The following PLA2G4E variants were observed in gnomAD, a reference collection of about 807,000 sequenced individuals.
The protein encoded by PLA2G4E is cytosolic phospholipase A2 epsilon.
Under a neutral mutation model 109.1 loss-of-function variants are expected in PLA2G4E, and 84 were observed. That is an observed-to-expected ratio of 0.77 (90% CI 0.65 to 0.92). The LOEUF is 0.92. Ranked by LOEUF, PLA2G4E falls within the 40% of genes least tolerant of loss-of-function variation. PLA2G4E has a pLI of 0.00. For missense variants in PLA2G4E, 1,057 were observed against 1,076.6 expected, an observed-to-expected ratio of 0.98 and a Z score of 0.25; for synonymous variants, 469 against 436.1, an observed-to-expected ratio of 1.08 and a Z score of -0.94.
intron 1 of PLA2G4E, among the ~76,000 whole-genome samples, chr15:42,017,569 ATCAGAGACAT>A (rs2068608433): frequency 6.6e-6 from 1 of 152,258 alleles, no homozygotes; most frequent in South Asian, 2.1e-4. Flanking sequence ...CACAGCTAGA[ATCAGAGACAT>A]CCAATGCTAC....
chr15:41,999,428 C>A, intron 10 of PLA2G4E, 96 bp downstream of exon 10: 1 of 876,280 alleles, frequency 1.1e-6, no homozygotes, highest in Non-Finnish European at 1.9e-6. Context: ...CATCATTAGC[C>A]ATAGGGGAAA....
rs750013134 is a variant in PLA2G4E, at chr15:42,035,427, G to A, written c.183+15094C>T. On this transcript the variant is annotated intron_variant, in intron 1 of 19. Transcript: ENST00000399518. ...ATGAAAAGCGTTGGTTATTGTCCAT[G>A]CCTAGGGGCTAGAGAGTGGGGACTC... Among the ~76,000 whole-genome samples, 5 of 152,244 alleles carry A rather than the reference G, an allele frequency of 3.3e-5. No homozygotes were observed. The East Asian group carries it at 5.8e-4, about 18-fold the overall frequency.
chr15:41,997,182 A>G, exon 11 of PLA2G4E: 2 of 1,560,856 alleles, frequency 1.3e-6, no homozygotes, highest in Non-Finnish European at 1.7e-6. Context: ...CTTGGCCACC[A>G]CGACCTTCCG....
chr15:42,046,239 T>C (rs986513255), intron 1 of PLA2G4E, among the ~76,000 whole-genome samples: 3 of 152,118 alleles, frequency 2.0e-5, no homozygotes, highest in Non-Finnish European at 2.9e-5. Context: ...AGGTAAAACA[T>C]AAAACAGATC....
chr15:42,022,709 C>G (rs972547127), intron 1 of PLA2G4E, among the ~76,000 whole-genome samples: 1 of 152,108 alleles, frequency 6.6e-6, no homozygotes, highest in African/African-American at 2.4e-5. Flanking sequence ...GGGAGTGGCT[C>G]TAAATACAGA....
At chr15:41,990,047 G>A (rs1379395534) in intron 14 of PLA2G4E, 74 bp downstream of exon 14, 2 of 1,117,612 alleles carry the variant, frequency 1.8e-6, no homozygotes, top group Non-Finnish European at 2.7e-6. Context: ...GGGACCTGGA[G>A]GTGCTGGGTG....
At chr15:41,983,564 C>T (rs2068091440) in exon 20 of PLA2G4E, 1 of 601,808 alleles carries the variant, frequency 1.7e-6, no homozygotes. Context: ...CCCAACAGAG[C>T]TCCTCTCTCT....
intron 5 of PLA2G4E, 96 bp downstream of exon 5, chr15:42,004,842 G>C (rs1302139125): frequency 1.5e-6 from 2 of 1,317,698 alleles, no homozygotes; most frequent in African/African-American, 2.9e-5. Flanking sequence ...AAGAGGGTGA[G>C]GCAGCAAAAA....
At chr15:42,004,976 G>A (rs973804386) in exon 5 of PLA2G4E, 1 of 1,613,036 alleles carries the variant, frequency 6.2e-7, no homozygotes, top group Non-Finnish European at 8.5e-7. Flanking sequence ...GCTCTTCCAT[G>A]CCCTGGTAGG....
intron 14 of PLA2G4E, 55 bp downstream of exon 14, chr15:41,990,066 C>T (rs867522975): frequency 1.1e-5 from 16 of 1,460,400 alleles, no homozygotes; most frequent in Non-Finnish European, 1.3e-5. Context: ...TGCTTTTGCC[C>T]ACCAAGAAGT....
At chr15:42,038,437 T>C (rs1044628062) in intron 1 of PLA2G4E, among the ~76,000 whole-genome samples, 4 of 152,206 alleles carry the variant, frequency 2.6e-5, no homozygotes, top group South Asian at 2.1e-4. Context: ...ATGGTCCCAT[T>C]TGGGGGTGAT....
Position 41,997,159 on chromosome 15 carries a change from C to A in PLA2G4E, c.1075G>T (p.Val359Leu), listed in dbSNP as rs1156751693. 28 of 1,568,112 alleles carry A rather than the reference C, an allele frequency of 1.8e-5. No individual in the cohort carries two copies. The highest frequency in any genetic ancestry group is 2.4e-5 in the Non-Finnish European group (28 of 1,156,908). Residue 359 changes from valine (V) to leucine (L), a missense_variant, in exon 11 of 20, where the codon GTG becomes TTG. By Grantham distance (32) the Val-to-Leu change is conservative. Coordinates refer to ENST00000399518, the Ensembl canonical transcript of PLA2G4E. Reference sequence around the variant, plus strand: ...TGCAGGTCTTCCTCCAGCTGCAGCACCTGCTTCAGGGCCTTGGCCACCACG... The same window carrying A: ...TGCAGGTCTTCCTCCAGCTGCAGCAACTGCTTCAGGGCCTTGGCCACCACG...
At chr15:41,997,243 C>G in exon 11 of PLA2G4E, 2 of 1,548,036 alleles carry the variant, frequency 1.3e-6, no homozygotes, top group Non-Finnish European at 1.7e-6. Flanking sequence ...CCCAGCCGCA[C>G]GTCCAGTGTC....
At chr15:42,006,547 G>A (rs923894090) in intron 3 of PLA2G4E, among the ~76,000 whole-genome samples, 1 of 152,148 alleles carries the variant, frequency 6.6e-6, no homozygotes, top group Non-Finnish European at 1.5e-5. Context: ...CCAGATTAGG[G>A]AATCGAACAT....
At chr15:42,029,584 G>C (rs1889078878) in intron 1 of PLA2G4E, among the ~76,000 whole-genome samples, 1 of 152,200 alleles carries the variant, frequency 6.6e-6, no homozygotes, top group African/African-American at 2.4e-5. Flanking sequence ...ACTTTGGTAA[G>C]GATGACATCG....
chr15:42,010,964 T>A (rs1267804209), intron 2 of PLA2G4E, among the ~76,000 whole-genome samples: 1 of 152,102 alleles, frequency 6.6e-6, no homozygotes, highest in Non-Finnish European at 1.5e-5. Context: ...AAGGAAAAAA[T>A]TTGGGACAAG....
At chr15:42,000,079 T>TC in intron 8 of PLA2G4E, 25 bp downstream of exon 8, 1 of 1,552,032 alleles carries the variant, frequency 6.4e-7, no homozygotes, top group East Asian at 2.4e-5. Context: ...CCCCCACACC[T>TC]CCCCCAGTGT....
At position 41,992,921 on chromosome 15, in the gene PLA2G4E, G is replaced by A. The variant is rs751627851; in HGVS notation, c.1286C>T (p.Ser429Phe). 2.5e-6 allele frequency: 4 copies of A among 1,613,692 alleles called. No individual in the cohort carries two copies. The African/African-American group carries it at 5.3e-5, about 22-fold the overall frequency. ...AAAGATAGCAGGCTCCAAGTTTTTG[G>A]AGGACCAGTCAGGGTCACGGTACAA... Residue 429 changes from serine (S) to phenylalanine (F), a missense_variant, in exon 13 of 20, where the codon TCC becomes TTC. Coordinates refer to ENST00000399518, the Ensembl canonical transcript of PLA2G4E.
intron 1 of PLA2G4E, among the ~76,000 whole-genome samples, chr15:42,022,784 G>A (rs932850591): frequency 5.3e-5 from 8 of 152,164 alleles, no homozygotes; most frequent in African/African-American, 1.4e-4. Context: ...AACAGGCCAC[G>A]GACTGGTACT....
Sources: allele counts gnomAD v4.1 joint callset (sites outside exome capture counted in the v4.1 genomes callset), GRCh38; gene constraint gnomAD v4.1.1; transcripts MANE v1.5; gene names NCBI Gene and HGNC (gene_info 2026-07-23, HGNC 2026-07-21).